The following EVI5 variants were observed in gnomAD, a reference collection of about 807,000 sequenced individuals.
EVI5 encodes the protein ecotropic viral integration site 5 protein homolog.
Under a neutral mutation model 112.0 loss-of-function variants are expected in EVI5, and 73 were observed. The observed-to-expected ratio is 0.65, with a 90% CI of 0.54 to 0.79. EVI5 has a LOEUF of 0.79. Among genes scored for constraint, EVI5 ranks in the 30% least tolerant of loss-of-function variants. The probability of loss-of-function intolerance (pLI) is 0.00; values close to 1 mark genes in which losing one functional copy is unlikely to be tolerated. For missense variants in EVI5, 900 were observed against 968.8 expected, an observed-to-expected ratio of 0.93 and a Z score of 0.94; for synonymous variants, 305 against 319.9, an observed-to-expected ratio of 0.95 and a Z score of 0.50.
chr1:92,561,689 G>A (rs1668662506), intron 19 of EVI5, among the ~76,000 whole-genome samples: 1 of 151,046 alleles, frequency 6.6e-6, no homozygotes, highest in Non-Finnish European at 1.5e-5. Flanking sequence ...GCTGCCTGGA[G>A]TGCAGTGGCA....
chr1:92,785,115 C>A (rs1047635742), upstream of EVI5: 1 of 985,336 alleles, frequency 1.0e-6, no homozygotes, highest in Non-Finnish European at 1.2e-6. Context: ...GCCCAAGGCG[C>A]AGGCGCGGGA....
At chr1:92,517,607 T>C (rs1660129092) in intron 19 of EVI5, among the ~76,000 whole-genome samples, 2 of 152,218 alleles carry the variant, frequency 1.3e-5, no homozygotes, top group South Asian at 2.1e-4. Flanking sequence ...ATCTTTCCAG[T>C]AGTACAACCA....
At chr1:92,658,151 T>C (rs1387371095) in intron 13 of EVI5, among the ~76,000 whole-genome samples, 1 of 152,196 alleles carries the variant, frequency 6.6e-6, no homozygotes, top group African/African-American at 2.4e-5. Context: ...GGGGAAAAGT[T>C]GAAAGCACTC....
At chr1:92,717,512 C>G (rs1673938497) in intron 2 of EVI5, among the ~76,000 whole-genome samples, 1 of 152,158 alleles carries the variant, frequency 6.6e-6, no homozygotes, top group South Asian at 2.1e-4. Flanking sequence ...TTTGTCACCA[C>G]CAGGCCTGCC....
chr1:92,718,645 GA>G, intron 2 of EVI5, among the ~76,000 whole-genome samples: 1 of 152,166 alleles, frequency 6.6e-6, no homozygotes, highest in Admixed American at 6.5e-5. Flanking sequence ...AGAGAAGCAA[GA>G]GCAAACAAAT....
At chr1:92,777,965 G>C (rs183497593) in intron 1 of EVI5, among the ~76,000 whole-genome samples, 1 of 148,702 alleles carries the variant, frequency 6.7e-6, no homozygotes, top group East Asian at 2.0e-4. Flanking sequence ...TGGAGGTGCA[G>C]TGGCGCAATC....
At chr1:92,708,668 T>C (rs769264767) in intron 2 of EVI5, among the ~76,000 whole-genome samples, 2 of 151,974 alleles carry the variant, frequency 1.3e-5, no homozygotes, top group African/African-American at 2.4e-5. Context: ...TATACAAGCA[T>C]TCACAGAAAC....
intron 2 of EVI5, among the ~76,000 whole-genome samples, chr1:92,723,926 G>A (rs987964393): frequency 1.3e-5 from 2 of 152,108 alleles, no homozygotes; most frequent in Non-Finnish European, 2.9e-5. Flanking sequence ...ACTGAAATAC[G>A]CCCTGGTCTC....
Position 92,727,596 on chromosome 1 carries a change from G to A in EVI5, c.149+8802C>T, listed in dbSNP as rs567010260. Among the ~76,000 whole-genome samples, 4 of 152,154 alleles carry A rather than the reference G, an allele frequency of 2.6e-5. No individual in the cohort carries two copies. In the South Asian group the frequency reaches 8.3e-4, roughly 32 times the overall value. ...TACTAATTGAGATGAATGTAAATGT[G>A]AGCAAAAAATAAAACTTTAATTTTT... On this transcript the variant is annotated intron_variant, in intron 2 of 19. Transcript: ENST00000684568.
chr1:92,759,857 C>CCG (rs1553268785), intron 1 of EVI5, among the ~76,000 whole-genome samples: 3 of 114,578 alleles, frequency 2.6e-5, no homozygotes, highest in Admixed American at 8.5e-5. Flanking sequence ...ATACAAATAC[C>CCG]CTCCCCCCCA....
At chr1:92,692,239 T>G (rs1669602781) in intron 9 of EVI5, among the ~76,000 whole-genome samples, 1 of 152,190 alleles carries the variant, frequency 6.6e-6, no homozygotes, top group Non-Finnish European at 1.5e-5. Context: ...GGATTGTACA[T>G]ATGACAAGAT....
chr1:92,514,604 C>CTAAAGG (rs1659589085), intron 19 of EVI5, among the ~76,000 whole-genome samples: 1 of 152,150 alleles, frequency 6.6e-6, no homozygotes, highest in African/African-American at 2.4e-5. Flanking sequence ...TAGATTCAAA[C>CTAAAGG]TAAATCTTCA....
In EVI5 at chr1:92,513,513, ATAT is replaced by A. The variant is rs1256940368; in HGVS notation, c.*140_*142del. 2 of 23,254 alleles carry A rather than the reference ATAT, an allele frequency of 8.6e-5. No individual in the cohort carries two copies. The highest frequency in any genetic ancestry group is 1.4e-4 in the Non-Finnish European group (2 of 14,298). 1.4% of individuals were successfully genotyped at this position (23,254 alleles called of 1,614,324 possible). A position where few individuals can be genotyped will look rare whatever the true frequency, so the allele number is the denominator to read the frequency against. On this transcript the variant is annotated 3_prime_UTR_variant, in exon 20 of 20. Coordinates refer to ENST00000684568, the MANE Select transcript of EVI5 (RefSeq NM_001350197.2). ...AAAAAGGCAGATAAGACTGTAAAAT[ATAT>A]ATATATATATATATATATATATATA...
intron 15 of EVI5, 141 bp downstream of exon 15, chr1:92,625,653 T>A (rs1161757176): frequency 1.6e-6 from 1 of 613,234 alleles, no homozygotes; most frequent in East Asian, 2.7e-5. Flanking sequence ...AGTTTATAAA[T>A]ACTCTCAATT....
At chr1:92,606,513 T>A (rs1259188556) in intron 17 of EVI5, among the ~76,000 whole-genome samples, 8 of 152,222 alleles carry the variant, frequency 5.3e-5, no homozygotes, top group Non-Finnish European at 1.0e-4. Flanking sequence ...AGTTTAGTCA[T>A]ATCCTTCAAA....
intron 14 of EVI5, among the ~76,000 whole-genome samples, chr1:92,635,627 C>T (rs56172716): frequency 0.026 from 3,948 of 152,194 alleles, 128 homozygotes; most frequent in African/African-American, 0.074. Flanking sequence ...TTGCGCTTCG[C>T]GGCTCAGGCT....
intron 16 of EVI5, chr1:92,622,350 G>A (rs1207452076): frequency 2.3e-6 from 1 of 439,176 alleles, no homozygotes; most frequent in South Asian, 1.6e-5. Context: ...ACTGCCAACA[G>A]TGTTGATAGC....
chr1:92,602,561 C>T (rs1406986639), intron 18 of EVI5, among the ~76,000 whole-genome samples: 1 of 152,084 alleles, frequency 6.6e-6, no homozygotes, highest in East Asian at 1.9e-4. Flanking sequence ...ACTATCATGC[C>T]CTCAGCTAAT....
chr1:92,739,575 G>A (rs1361332011), intron 1 of EVI5, among the ~76,000 whole-genome samples: 2 of 151,990 alleles, frequency 1.3e-5, no homozygotes, highest in Non-Finnish European at 2.9e-5. Context: ...CACTTTAAAA[G>A]GAGCAAATTT....
Sources: allele counts gnomAD v4.1 joint callset (sites outside exome capture counted in the v4.1 genomes callset), GRCh38; gene constraint gnomAD v4.1.1; transcripts MANE v1.5; gene names NCBI Gene and HGNC (gene_info 2026-07-23, HGNC 2026-07-21).